Variants in ABLIM3 observed in about 807,000 individuals in gnomAD.
The protein encoded by ABLIM3 is actin-binding LIM protein 3.
A neutral mutation model predicts 109.5 loss-of-function variants in ABLIM3; 61 were observed. The observed-to-expected ratio is 0.56, with a 90% CI of 0.45 to 0.69. The LOEUF (loss-of-function observed/expected upper bound fraction) is 0.69. Among genes scored for constraint, ABLIM3 ranks in the 30% least tolerant of loss-of-function variants. The probability of loss-of-function intolerance (pLI) is 0.00; values close to 1 mark genes in which losing one functional copy is unlikely to be tolerated. For missense variants in ABLIM3, 796 were observed against 889.5 expected, an observed-to-expected ratio of 0.89 and a Z score of 1.34; for synonymous variants, 300 against 324.8, an observed-to-expected ratio of 0.92 and a Z score of 0.82.
chr5:149,143,004 TTTG>T (rs1226145309), intron 2 of ABLIM3, among the ~76,000 whole-genome samples: 8 of 152,032 alleles, frequency 5.3e-5, no homozygotes, highest in Non-Finnish European at 2.9e-5. Flanking sequence ...GGTCTATGAC[TTTG>T]TTATCAGTCC....
chr5:149,156,581 T>C (rs1201003532), intron 2 of ABLIM3, among the ~76,000 whole-genome samples: 1 of 152,272 alleles, frequency 6.6e-6, no homozygotes, highest in East Asian at 1.9e-4. Context: ...TATATATTGG[T>C]AACACAGGAC....
intron 8 of ABLIM3, chr5:149,218,292 T>C (rs1284240889): frequency 6.6e-6 from 1 of 152,268 alleles, no homozygotes; most frequent in Non-Finnish European, 1.5e-5. Flanking sequence ...TGTCTCCACA[T>C]GGTGGAAGGG....
chr5:149,150,750 A>G (rs1039871546), intron 2 of ABLIM3, among the ~76,000 whole-genome samples: 16 of 152,232 alleles, frequency 1.1e-4, no homozygotes, highest in Non-Finnish European at 2.1e-4. Context: ...GTATTTTGCC[A>G]GATAAATTCT....
chr5:149,148,569 T>G (rs1049603432), intron 2 of ABLIM3, among the ~76,000 whole-genome samples: 1 of 152,162 alleles, frequency 6.6e-6, no homozygotes, highest in South Asian at 2.1e-4. Flanking sequence ...CTAACTGGCC[T>G]CCTTTCATCC....
Position 149,245,000 on chromosome 5 carries a change from C to A in ABLIM3, c.1471C>A (p.His491Asn). ...YASESEYWTY[H>N]GSPKVPRARR... ...TTCGGAGTCTGAGTACTGGACCTAC[C>A]ATGGGTCCCCCAAAGGTAGTACCCC... Residue 491 changes from histidine (H) to asparagine (N), a missense_variant, in exon 16 of 24, where the codon CAT becomes AAT. Transcript: ENST00000309868. 1 of 1,614,190 alleles carries A rather than the reference C, an allele frequency of 6.2e-7. No individual in the cohort carries two copies. The highest frequency in any genetic ancestry group is 1.1e-5 in the South Asian group (1 of 91,078).
Position 149,258,278 on chromosome 5 carries a change from C to T in ABLIM3, c.1939-13C>T. 6.2e-7 allele frequency: 1 copy of T among 1,612,914 alleles called. No homozygotes were observed. The highest frequency in any genetic ancestry group is 8.5e-7 in the Non-Finnish European group (1 of 1,179,522). On this transcript the variant is annotated splice_polypyrimidine_tract_variant and intron_variant, in intron 23 of 23. Transcript: ENST00000309868. Reference sequence around the variant, plus strand: ...CTCTGTCCCCCCACCCCCGCCTGCCCTGCCTCCTTCAGCGCCACCTGTCCC... The same window carrying T: ...CTCTGTCCCCCCACCCCCGCCTGCCTTGCCTCCTTCAGCGCCACCTGTCCC...
chr5:149,187,403 A>C (rs1757059405), intron 3 of ABLIM3, among the ~76,000 whole-genome samples: 1 of 152,238 alleles, frequency 6.6e-6, no homozygotes, highest in South Asian at 2.1e-4. Context: ...CAGTAGCAAC[A>C]AGCAAACTAG....
At chr5:149,161,753 A>G (rs972568358) in intron 2 of ABLIM3, among the ~76,000 whole-genome samples, 2 of 152,124 alleles carry the variant, frequency 1.3e-5, no homozygotes, top group Admixed American at 6.5e-5. Context: ...TCAAATGTTA[A>G]TGAATCTCTT....
intron 7 of ABLIM3, among the ~76,000 whole-genome samples, chr5:149,216,131 TG>T (rs1266690269): frequency 3.9e-5 from 6 of 152,292 alleles, no homozygotes; most frequent in African/African-American, 1.4e-4. Flanking sequence ...CCTGGGGATC[TG>T]GGGCTCTACA....
chr5:149,217,991 T>C (rs1022816587), intron 8 of ABLIM3: 7 of 152,236 alleles, frequency 4.6e-5, no homozygotes, highest in Admixed American at 2.6e-4. Flanking sequence ...GTAAGTGTTA[T>C]GAAGGAGAGA....
At chr5:149,240,864 A>T in intron 14 of ABLIM3, 90 bp downstream of exon 14, 1 of 1,250,992 alleles carries the variant, frequency 8.0e-7, no homozygotes, top group Non-Finnish European at 1.2e-6. Context: ...CCACACAGGC[A>T]CCAAGAAGCT....
chr5:149,259,030 C>A lies in ABLIM3; in HGVS notation c.*626C>A. 1 of 1,003,796 alleles carries A rather than the reference C, an allele frequency of 1.0e-6. No individual in the cohort carries two copies. Among genetic ancestry groups the A allele is most frequent in the Non-Finnish European group, 1.2e-6 (1 of 840,790 alleles). 62.2% of individuals were successfully genotyped at this position (1,003,796 alleles called of 1,614,324 possible). A position where few individuals can be genotyped will look rare whatever the true frequency, so the allele number is the denominator to read the frequency against. ...GCTCCTTAACCCTCCTCCTTCTGCC[C>A]TGGATTGTAACCTCTCCCTTGTCCA... On this transcript the variant is annotated 3_prime_UTR_variant, in exon 24 of 24. Coordinates refer to ENST00000309868, the MANE Select transcript of ABLIM3 (RefSeq NM_014945.5).
intron 8 of ABLIM3, among the ~76,000 whole-genome samples, chr5:149,224,073 A>G (rs1760929652): frequency 6.6e-6 from 1 of 152,240 alleles, no homozygotes; most frequent in Non-Finnish European, 1.5e-5. Flanking sequence ...CATAAGGTGC[A>G]GCATATATAC....
intron 14 of ABLIM3, among the ~76,000 whole-genome samples, chr5:149,241,306 T>G (rs1381477545): frequency 6.6e-6 from 1 of 152,130 alleles, no homozygotes; most frequent in Non-Finnish European, 1.5e-5. Flanking sequence ...GGAAGAGAGA[T>G]AAAAATGAGT....
intron 5 of ABLIM3, among the ~76,000 whole-genome samples, chr5:149,201,502 G>A (rs1758483432): frequency 6.6e-6 from 1 of 152,104 alleles, no homozygotes; most frequent in Non-Finnish European, 1.5e-5. Flanking sequence ...GGCTCCCCGG[G>A]AGTCCATCCA....
intron 2 of ABLIM3, among the ~76,000 whole-genome samples, chr5:149,146,116 A>T (rs1351652511): frequency 6.6e-6 from 1 of 151,886 alleles, no homozygotes; most frequent in Non-Finnish European, 1.5e-5. Context: ...GTGTCTGTTC[A>T]TGTCTTTTGC....
At chr5:149,222,217 TAA>T (rs1760720735) in intron 8 of ABLIM3, among the ~76,000 whole-genome samples, 1 of 152,032 alleles carries the variant, frequency 6.6e-6, no homozygotes, top group African/African-American at 2.4e-5. Context: ...AGTACTGTAC[TAA>T]GAGTTTGAAA....
In ABLIM3 at chr5:149,142,038, T is replaced by A; in HGVS notation, c.-58T>A. ...TGAGTGAGGTTCGAAGAACGGAAGA[T>A]TTAAAAAGCAGCCGGGGCCTCCGTA... is the stretch of plus-strand genomic sequence containing the variant. On this transcript the variant is annotated 5_prime_UTR_variant, in exon 2 of 24. Transcript: ENST00000309868. The A allele has an allele frequency of 6.2e-7, 1 of 1,614,028 alleles. No individual in the cohort carries two copies. Among genetic ancestry groups the A allele is most frequent in the South Asian group, 1.1e-5 (1 of 91,080 alleles).
At chr5:149,183,655 C>T (rs1437270926) in intron 3 of ABLIM3, 66 bp downstream of exon 3, 8 of 1,421,348 alleles carry the variant, frequency 5.6e-6, no homozygotes, top group Non-Finnish European at 7.4e-6. Flanking sequence ...TCAGGTCATG[C>T]CTCAGGGGCA....
Sources: gnomAD v4.1 joint callset for allele counts (sites outside exome capture counted in the v4.1 genomes callset) on GRCh38, gnomAD v4.1.1 for gene constraint, MANE v1.5 for transcripts, NCBI Gene and HGNC (gene_info 2026-07-23, HGNC 2026-07-21) for gene names.